Variants in NEGR1 observed in about 807,000 individuals in gnomAD.
The protein encoded by NEGR1 is neuronal growth regulator 1, also known as IgLON family member 4.
In NEGR1, 10 loss-of-function variants were observed where a neutral mutation model predicts 40.9. The observed-to-expected ratio is 0.24, with a 90% CI of 0.15 to 0.42. NEGR1 has a LOEUF of 0.42. Among genes scored for constraint, NEGR1 ranks in the 10% least tolerant of loss-of-function variants. The probability of loss-of-function intolerance (pLI) is 1.00; values close to 1 mark genes in which losing one functional copy is unlikely to be tolerated. For synonymous variants in NEGR1, 185 were observed against 166.8 expected (o/e 1.11, Z -0.84); for missense variants, 352 against 438.9 (o/e 0.80, Z 1.77).
chr1:72,021,830 C>T (rs1646759085), intron 1 of NEGR1, among the ~76,000 whole-genome samples: 1 of 152,076 alleles, frequency 6.6e-6, no homozygotes, highest in Non-Finnish European at 1.5e-5. Context: ...AAAGTTAAAA[C>T]TTTTTCAAAG....
intron 6 of NEGR1, among the ~76,000 whole-genome samples, chr1:71,548,501 T>C (rs900730482): frequency 2.6e-5 from 4 of 151,694 alleles, no homozygotes; most frequent in African/African-American, 9.7e-5. Context: ...CTTTTAGGCA[T>C]TGGGCTCCAA....
chr1:72,132,589 A>G (rs577363761), intron 1 of NEGR1, among the ~76,000 whole-genome samples: 1 of 152,286 alleles, frequency 6.6e-6, no homozygotes, highest in East Asian at 1.9e-4. Flanking sequence ...TAAATATGAT[A>G]CTGCTATTTG....
chr1:71,756,433 A>G (rs555081385), intron 3 of NEGR1, among the ~76,000 whole-genome samples: 4 of 151,660 alleles, frequency 2.6e-5, no homozygotes. Context: ...ACCAAAAAAA[A>G]CCACATCAGG....
chr1:72,155,480 A>T (rs1357917748), intron 1 of NEGR1, among the ~76,000 whole-genome samples: 1 of 152,054 alleles, frequency 6.6e-6, no homozygotes, highest in East Asian at 1.9e-4. Flanking sequence ...TAGTAATTTA[A>T]TCATGACCCA....
At chr1:72,246,794 T>C (rs550598208) in intron 1 of NEGR1, among the ~76,000 whole-genome samples, 1 of 152,310 alleles carries the variant, frequency 6.6e-6, no homozygotes, top group East Asian at 1.9e-4. Flanking sequence ...ACTGCCCTAG[T>C]ACGCAGCCAT....
At chr1:72,079,158 A>G (rs1647880555) in intron 1 of NEGR1, among the ~76,000 whole-genome samples, 1 of 149,978 alleles carries the variant, frequency 6.7e-6, no homozygotes, top group Non-Finnish European at 1.5e-5. Context: ...CCAAATTTCT[A>G]TAACTAAAAT....
At chr1:71,985,022 A>G (rs533168983) in intron 1 of NEGR1, among the ~76,000 whole-genome samples, 1 of 152,330 alleles carries the variant, frequency 6.6e-6, no homozygotes, top group East Asian at 1.9e-4. Flanking sequence ...TGAGGCAAAA[A>G]GAAGTTAATC....
At position 71,836,407 on chromosome 1, in the gene NEGR1, C is replaced by T. The variant is rs202142653; in HGVS notation, c.410-60110G>A. Among the ~76,000 whole-genome samples the T allele has an allele frequency of 3.7e-4, 54 of 145,768 alleles. No homozygotes were observed. The East Asian group carries it at 5.9e-3, about 16-fold the overall frequency. ...TCGCATCATTGCACTCCAGCCTGGGCGAGAGAGCAAGGCTCTGGCTCAAAA... is the reference window on the plus strand; with the variant it reads ...TCGCATCATTGCACTCCAGCCTGGGTGAGAGAGCAAGGCTCTGGCTCAAAA... On this transcript the variant is annotated intron_variant, in intron 2 of 6. Transcript: ENST00000357731.
chr1:71,736,608 C>T (rs570065364), intron 3 of NEGR1, among the ~76,000 whole-genome samples: 1 of 152,224 alleles, frequency 6.6e-6, no homozygotes, highest in Admixed American at 6.5e-5. Flanking sequence ...TTTCAGGTTT[C>T]CTCAAGTCAT....
chr1:72,253,456 A>G (rs1182505211), intron 1 of NEGR1, among the ~76,000 whole-genome samples: 2 of 152,068 alleles, frequency 1.3e-5, no homozygotes, highest in Non-Finnish European at 2.9e-5. Flanking sequence ...TAATAAATCA[A>G]CACTCATCAT....
chr1:71,658,517 A>C (rs954918306), intron 4 of NEGR1, among the ~76,000 whole-genome samples: 22 of 152,170 alleles, frequency 1.4e-4, no homozygotes, highest in Non-Finnish European at 2.8e-4. Context: ...CCATGTGTTA[A>C]AGAACTGCTG....
At chr1:72,105,377 A>G (rs1384089800) in intron 1 of NEGR1, among the ~76,000 whole-genome samples, 3 of 152,024 alleles carry the variant, frequency 2.0e-5, no homozygotes, top group African/African-American at 7.2e-5. Flanking sequence ...AACCTTGTCA[A>G]AATGCATAGA....
chr1:71,723,881 T>C (rs1308416956), intron 3 of NEGR1, among the ~76,000 whole-genome samples: 1 of 152,054 alleles, frequency 6.6e-6, no homozygotes, highest in African/African-American at 2.4e-5. Flanking sequence ...CTGACACTAG[T>C]TGCAGGTTGA....
chr1:72,268,062 C>T (rs1301533900), intron 1 of NEGR1, among the ~76,000 whole-genome samples: 2 of 151,248 alleles, frequency 1.3e-5, no homozygotes, highest in African/African-American at 2.4e-5. Context: ...CTACTCTTCA[C>T]GGTATCAGAA....
At chr1:71,674,511 T>G (rs946629772) in intron 4 of NEGR1, among the ~76,000 whole-genome samples, 2 of 152,104 alleles carry the variant, frequency 1.3e-5, no homozygotes, top group Non-Finnish European at 1.5e-5. Flanking sequence ...ATTAGCTATA[T>G]AACAATTCTA....
intron 4 of NEGR1, among the ~76,000 whole-genome samples, chr1:71,653,244 A>G (rs956251158): frequency 4.6e-5 from 7 of 152,236 alleles, no homozygotes; most frequent in Non-Finnish European, 7.3e-5. Flanking sequence ...CTTTTAATCT[A>G]CAGTCTTTAA....
chr1:71,491,848 A>G (rs1029718607), intron 6 of NEGR1, among the ~76,000 whole-genome samples: 7 of 152,254 alleles, frequency 4.6e-5, no homozygotes, highest in South Asian at 2.1e-4. Flanking sequence ...ATAGAGTGCT[A>G]TGGTTTTTGA....
intron 4 of NEGR1, among the ~76,000 whole-genome samples, chr1:71,686,031 CAT>C (rs1653025018): frequency 6.1e-5 from 1 of 16,404 alleles, no homozygotes; most frequent in South Asian, 5.5e-3. Flanking sequence ...GCATGAGACT[CAT>C]AGACTTTTTT....
chr1:71,426,000 A>G (rs1646426022), intron 6 of NEGR1, among the ~76,000 whole-genome samples: 1 of 152,196 alleles, frequency 6.6e-6, no homozygotes, highest in African/African-American at 2.4e-5. Flanking sequence ...TGTCTGGACT[A>G]CGACACTCAT....
Sources: allele counts gnomAD v4.1 joint callset (sites outside exome capture counted in the v4.1 genomes callset), GRCh38; gene constraint gnomAD v4.1.1; transcripts MANE v1.5; gene names NCBI Gene and HGNC (gene_info 2026-07-23, HGNC 2026-07-21).